ADAMTS6: variants seen among roughly 807,000 people sequenced by gnomAD.
ADAMTS6 encodes the protein ADAM metallopeptidase with thrombospondin type 1 motif 6.
ADAMTS6 carries 23 observed loss-of-function variants against 144.3 expected under a neutral mutation model. The ratio of observed to expected loss-of-function variants is 0.16; its 90% CI spans 0.11 to 0.23. ADAMTS6 has a LOEUF of 0.23. Among genes scored for constraint, ADAMTS6 ranks in the 10% least tolerant of loss-of-function variants. The probability of loss-of-function intolerance (pLI) is 1.00; values close to 1 mark genes in which losing one functional copy is unlikely to be tolerated. For synonymous variants in ADAMTS6, 444 were observed against 457.5 expected (o/e 0.97, Z 0.38); for missense variants, 999 against 1,379.6 (o/e 0.72, Z 4.37).
At chr5:65,292,299 TGTGA>T (rs758639841) in intron 10 of ADAMTS6, among the ~76,000 whole-genome samples, 8 of 152,164 alleles carry the variant, frequency 5.3e-5, no homozygotes, top group Non-Finnish European at 7.4e-5. Flanking sequence ...TCATTTCACA[TGTGA>T]GTAAGTTAGA....
At chr5:65,391,205 C>T (rs572279449) in intron 7 of ADAMTS6, among the ~76,000 whole-genome samples, 2 of 152,034 alleles carry the variant, frequency 1.3e-5, no homozygotes, top group African/African-American at 4.8e-5. Context: ...CAGGTATGAA[C>T]CACGAAGCCT....
chr5:65,394,617 T>C (rs994157367), intron 7 of ADAMTS6, among the ~76,000 whole-genome samples: 2 of 152,242 alleles, frequency 1.3e-5, no homozygotes, highest in Non-Finnish European at 2.9e-5. Context: ...GAAGTCATGC[T>C]GAATGTTCAC....
chr5:65,394,168 C>T (rs935174263), intron 7 of ADAMTS6, among the ~76,000 whole-genome samples: 3 of 152,206 alleles, frequency 2.0e-5, no homozygotes, highest in African/African-American at 7.2e-5. Flanking sequence ...CTAAGTCTTA[C>T]ATCACAGTCC....
intron 10 of ADAMTS6, 40 bp downstream of exon 10, chr5:65,299,945 T>C: frequency 6.3e-7 from 1 of 1,593,958 alleles, no homozygotes; most frequent in Non-Finnish European, 8.5e-7. Context: ...AGTGGCTTAC[T>C]TCTGGAGCTA....
intron 7 of ADAMTS6, among the ~76,000 whole-genome samples, chr5:65,405,462 G>C (rs992966776): frequency 6.6e-6 from 1 of 152,168 alleles, no homozygotes; most frequent in African/African-American, 2.4e-5. Flanking sequence ...TTGTAGATGT[G>C]TGGTATTATT....
chr5:65,266,078 T>A (rs1761608879), intron 12 of ADAMTS6, among the ~76,000 whole-genome samples: 1 of 151,788 alleles, frequency 6.6e-6, no homozygotes, highest in South Asian at 2.1e-4. Context: ...AATAGTCAGG[T>A]TTTTTCATTT....
chr5:65,200,583 A>G (rs1239909081), intron 20 of ADAMTS6, among the ~76,000 whole-genome samples: 1 of 152,134 alleles, frequency 6.6e-6, no homozygotes, highest in South Asian at 2.1e-4. Context: ...GTGTGTACCT[A>G]ATCAAAAACA....
At chr5:65,443,499 G>C (rs1361353994) in intron 7 of ADAMTS6, among the ~76,000 whole-genome samples, 6 of 151,734 alleles carry the variant, frequency 4.0e-5, no homozygotes, top group African/African-American at 1.5e-4. Flanking sequence ...GTGCACGCCT[G>C]TAGTACCAGC....
intron 7 of ADAMTS6, among the ~76,000 whole-genome samples, chr5:65,346,567 C>T (rs1230631510): frequency 6.6e-6 from 1 of 151,476 alleles, no homozygotes; most frequent in East Asian, 1.9e-4. Flanking sequence ...AAGATTAGAA[C>T]AGGACAATGA....
intron 15 of ADAMTS6, among the ~76,000 whole-genome samples, chr5:65,228,790 C>T (rs559269781): frequency 6.6e-5 from 10 of 152,178 alleles, no homozygotes; most frequent in East Asian, 1.9e-4. Context: ...TGGGACGCTG[C>T]CCAAGAGTCC....
At chr5:65,404,490 G>T (rs1042987903) in intron 7 of ADAMTS6, among the ~76,000 whole-genome samples, 4 of 152,050 alleles carry the variant, frequency 2.6e-5, no homozygotes, top group African/African-American at 9.7e-5. Context: ...CTTTTTTATG[G>T]CTGCATAATA....
rs777839925 is a variant in ADAMTS6, at chr5:65,260,653, C to T, written c.1777G>A (p.Gly593Ser). ...CTTTCCCCAAGGCAATATTTTCCACCTCCTGAAGGTCTGAAAAAACATTGT... is the reference window on the plus strand; with the variant it reads ...CTTTCCCCAAGGCAATATTTTCCACTTCCTGAAGGTCTGAAAAAACATTGT... ...RHCDSPAPSG[G>S]GKYCLGERKR... Residue 593 changes from glycine to serine, a missense_variant, in exon 14 of 25, where the codon GGT (glycine) becomes AGT (serine). Gly to Ser is a moderately conservative substitution (Grantham distance 56). This residue lies in a region of ADAMTS6 where 619 missense variants were observed against 837.0 expected (regional missense o/e 0.74). Coordinates refer to ENST00000381055, the MANE Select transcript of ADAMTS6 (RefSeq NM_197941.4). 3 of 1,613,320 alleles carry T rather than the reference C, an allele frequency of 1.9e-6. No homozygotes were observed. In the South Asian group the frequency reaches 3.3e-5, roughly 18 times the overall value.
intron 22 of ADAMTS6, among the ~76,000 whole-genome samples, chr5:65,174,523 G>A (rs199887253): frequency 1.6e-4 from 24 of 152,292 alleles, no homozygotes; most frequent in Middle Eastern, 3.4e-3. Flanking sequence ...GCTGAACACC[G>A]GGAAGGAACT....
intron 7 of ADAMTS6, among the ~76,000 whole-genome samples, chr5:65,397,126 A>G (rs982116755): frequency 6.6e-6 from 1 of 152,202 alleles, no homozygotes; most frequent in Non-Finnish European, 1.5e-5. Flanking sequence ...GAGAGCATAG[A>G]GTTGTTCATA....
chr5:65,186,376 A>AT (rs2112164883), intron 22 of ADAMTS6, among the ~76,000 whole-genome samples: 1 of 152,188 alleles, frequency 6.6e-6, no homozygotes, highest in East Asian at 1.9e-4. Flanking sequence ...TTTCATGGGT[A>AT]TTTTTCATTT....
chr5:65,160,812 C>A (rs1049189624), intron 24 of ADAMTS6, among the ~76,000 whole-genome samples: 1 of 151,842 alleles, frequency 6.6e-6, no homozygotes, highest in Non-Finnish European at 1.5e-5. Context: ...GCCACCATGC[C>A]CGGATAATTT....
chr5:65,156,229 C>T (rs942114353), intron 24 of ADAMTS6, among the ~76,000 whole-genome samples: 1 of 152,026 alleles, frequency 6.6e-6, no homozygotes, highest in Non-Finnish European at 1.5e-5. Flanking sequence ...TCTGCCTCAT[C>T]CTTAAAGCCC....
At chr5:65,386,312 C>A (rs1224604662) in intron 7 of ADAMTS6, among the ~76,000 whole-genome samples, 1 of 152,042 alleles carries the variant, frequency 6.6e-6, no homozygotes, top group Non-Finnish European at 1.5e-5. Flanking sequence ...TTTAAACACT[C>A]CCCTTTATTG....
intron 20 of ADAMTS6, among the ~76,000 whole-genome samples, chr5:65,212,332 TCCAGTATCTAAGA>T (rs1305253272): frequency 6.6e-6 from 1 of 150,944 alleles, no homozygotes; most frequent in Non-Finnish European, 1.5e-5. Context: ...CAGAACCACC[TCCAGTATCTAAGA>T]CCAGTAGCTC....
Sources: allele counts gnomAD v4.1 joint callset (sites outside exome capture counted in the v4.1 genomes callset), GRCh38; gene constraint gnomAD v4.1.1; regional missense constraint gnomAD v4.1.1; transcripts MANE v1.5; gene names NCBI Gene and HGNC (gene_info 2026-07-23, HGNC 2026-07-21).